Variants in PPARD observed in about 807,000 individuals in gnomAD.
PPARD encodes peroxisome proliferator activated receptor delta.
Under a neutral mutation model 39.5 loss-of-function variants are expected in PPARD, and 6 were observed. The ratio of observed to expected loss-of-function variants is 0.15; its 90% confidence interval spans 0.08 to 0.30. PPARD has a LOEUF of 0.30. Among genes scored for constraint, PPARD ranks in the 10% least tolerant of loss-of-function variants. PPARD has a pLI of 1.00. For missense variants in PPARD, 397 were observed against 596.8 expected, an observed-to-expected ratio of 0.67 and a Z score of 3.49; for synonymous variants, 210 against 231.3, an observed-to-expected ratio of 0.91 and a Z score of 0.83.
At chr6:35,408,218 T>G (rs1390027216) in intron 2 of PPARD, among the ~76,000 whole-genome samples, 1 of 152,182 alleles carries the variant, frequency 6.6e-6, no homozygotes, top group African/African-American at 2.4e-5. Context: ...GTCTCTCTAT[T>G]AGGAAATAAT....
chr6:35,392,099 G>A (rs1397972256), intron 2 of PPARD, among the ~76,000 whole-genome samples: 2 of 152,018 alleles, frequency 1.3e-5, no homozygotes, highest in Non-Finnish European at 1.5e-5. Context: ...GAATTCCTGG[G>A]CCAATTTGGG....
chr6:35,389,560 G>A (rs944867232), intron 2 of PPARD, among the ~76,000 whole-genome samples: 2 of 152,116 alleles, frequency 1.3e-5, no homozygotes, highest in South Asian at 4.2e-4. Context: ...TGATCCGCCC[G>A]CCTCGGCCTT....
chr6:35,358,258 A>G (rs1183499718), intron 2 of PPARD, among the ~76,000 whole-genome samples: 2 of 152,188 alleles, frequency 1.3e-5, no homozygotes, highest in Admixed American at 1.3e-4. Flanking sequence ...GAGAAGGCCA[A>G]AAATGCAACG....
intron 3 of PPARD, among the ~76,000 whole-genome samples, chr6:35,413,120 C>T (rs181055845): frequency 1.3e-5 from 2 of 152,352 alleles, no homozygotes; most frequent in East Asian, 3.9e-4. Flanking sequence ...CTGGAGTTTC[C>T]TCCACACCCC....
chr6:35,390,186 C>T (rs911006861), intron 2 of PPARD, among the ~76,000 whole-genome samples: 1 of 152,326 alleles, frequency 6.6e-6, no homozygotes, highest in African/African-American at 2.4e-5. Context: ...GGCCATTACA[C>T]CTACTCCAGA....
rs928959649 is a variant in PPARD, at chr6:35,349,100, A to T, written c.-102+1950A>T. The T allele has an allele frequency of 9.3e-6, 8 of 861,474 alleles. No homozygotes were observed. The East Asian group carries it at 6.2e-4, about 67-fold the overall frequency. The allele number at this position is 861,474 out of a possible 1,614,324, so 53.4% of individuals were successfully genotyped here. A position where few individuals can be genotyped will look rare whatever the true frequency, so the allele number is the denominator to read the frequency against. Reference sequence around the variant, plus strand: ...GAGTGCAGTGGCGCGATCTAGGCTCACTGCAAGCTCTGCCTCCTGGGTTCA... The same window carrying T: ...GAGTGCAGTGGCGCGATCTAGGCTCTCTGCAAGCTCTGCCTCCTGGGTTCA... On this transcript the variant is annotated intron_variant, in intron 2 of 7. Transcript: ENST00000360694.
At chr6:35,398,598 A>G (rs1764492539) in intron 2 of PPARD, among the ~76,000 whole-genome samples, 1 of 152,206 alleles carries the variant, frequency 6.6e-6, no homozygotes, top group Non-Finnish European at 1.5e-5. Flanking sequence ...TGGAGCGTAG[A>G]TGGAGAATGA....
rs200172054 is a variant in PPARD, at chr6:35,424,541, C to G, written c.840C>G (p.Thr280=). 1.9e-6 allele frequency: 3 copies of G among 1,614,126 alleles called. No homozygotes were observed. The highest frequency in any genetic ancestry group is 1.3e-5 in the African/African-American group (1 of 74,936). The part of the protein sequence containing the change: ...FSSLFLNDQV[T]LLKYGVHEAI... Reference sequence around the variant, plus strand: ...GCCTCTTCCTCAACGACCAGGTTACCCTTCTCAAGTATGGCGTGCACGAGG... The same window carrying G: ...GCCTCTTCCTCAACGACCAGGTTACGCTTCTCAAGTATGGCGTGCACGAGG... Residue 280 remains threonine (T), a synonymous_variant, in exon 7 of 8, where the codon ACC becomes ACG. Transcript: ENST00000360694. This position sits in a 1 kb window ranked among gnomAD's most constrained non-coding sequence, Gnocchi z 7.1.
At chr6:35,345,783 T>G (rs1792136357) in intron 1 of PPARD, among the ~76,000 whole-genome samples, 2 of 151,988 alleles carry the variant, frequency 1.3e-5, no homozygotes, top group South Asian at 4.1e-4. Flanking sequence ...CTGACTGTTG[T>G]GCAAGCTGTC....
chr6:35,384,979 G>A (rs1406931043), intron 2 of PPARD, among the ~76,000 whole-genome samples: 1 of 135,310 alleles, frequency 7.4e-6, no homozygotes, highest in African/African-American at 3.2e-5. Flanking sequence ...TCAGCCCCCC[G>A]CCGGGCCAGC....
chr6:35,386,305 C>T (rs1162407679), intron 2 of PPARD, among the ~76,000 whole-genome samples: 2 of 151,328 alleles, frequency 1.3e-5, no homozygotes, highest in African/African-American at 4.9e-5. Context: ...AGTGAGACCC[C>T]ACCTCTACAA....
intron 1 of PPARD, among the ~76,000 whole-genome samples, chr6:35,345,105 G>T (rs1016752968): frequency 2.0e-5 from 3 of 152,172 alleles, no homozygotes; most frequent in African/African-American, 7.2e-5. Flanking sequence ...GTGGTGGCAG[G>T]TGAGAGATTT....
intron 2 of PPARD, among the ~76,000 whole-genome samples, chr6:35,354,169 T>TTGCAG (rs1398676548): frequency 6.8e-6 from 1 of 146,236 alleles, no homozygotes; most frequent in Non-Finnish European, 1.5e-5. Context: ...GAGGCGGAGC[T>TTGCAG]TGCAGTGAGC....
intron 2 of PPARD, among the ~76,000 whole-genome samples, chr6:35,398,209 G>C (rs988625054): frequency 5.3e-5 from 8 of 152,322 alleles, no homozygotes; most frequent in Non-Finnish European, 4.4e-5. Context: ...GCTGTACAGA[G>C]AGTGGGTGGT....
chr6:35,421,987 C>G (rs1382336926), intron 5 of PPARD, 29 bp downstream of exon 5: 2 of 1,577,386 alleles, frequency 1.3e-6, no homozygotes, highest in Middle Eastern at 3.4e-4. Context: ...AACTCACGGG[C>G]TGCTGGCTCC....
At chr6:35,342,972 T>A (rs11571504) in intron 1 of PPARD, among the ~76,000 whole-genome samples, 35,030 of 151,804 alleles carry the variant, frequency 0.23, 9,017 homozygotes, top group African/African-American at 0.64. Flanking sequence ...ACCCTACTCT[T>A]TGCCCCCTCT....
intron 2 of PPARD, among the ~76,000 whole-genome samples, chr6:35,409,888 GA>G: frequency 6.6e-6 from 1 of 152,288 alleles, no homozygotes; most frequent in East Asian, 1.9e-4. Flanking sequence ...CCAATCAAAG[GA>G]GAATCTCTGG....
intron 2 of PPARD, among the ~76,000 whole-genome samples, chr6:35,390,052 C>T (rs1390907643): frequency 6.6e-6 from 1 of 152,182 alleles, no homozygotes; most frequent in Non-Finnish European, 1.5e-5. Flanking sequence ...GAGTGGGGTG[C>T]CCCAGCCAAA....
chr6:35,421,165 G>C (rs980587335), intron 4 of PPARD, among the ~76,000 whole-genome samples: 1 of 151,444 alleles, frequency 6.6e-6, no homozygotes, highest in South Asian at 2.1e-4. Flanking sequence ...GTTTCACCAT[G>C]TTGGCTAGGC....
Sources: gnomAD v4.1 joint callset for allele counts (sites outside exome capture counted in the v4.1 genomes callset) on GRCh38, gnomAD v4.1.1 for gene constraint, Gnocchi (gnomAD v3.1) non-coding constraint, MANE v1.5 for transcripts, NCBI Gene and HGNC (gene_info 2026-07-23, HGNC 2026-07-21) for gene names.